CHN2: variants seen among roughly 807,000 people sequenced by gnomAD.
The protein encoded by CHN2 is chimerin 2.
A neutral mutation model predicts 56.3 loss-of-function variants in CHN2; 35 were observed. The ratio of observed to expected loss-of-function variants is 0.62; its 90% CI spans 0.47 to 0.82. The LOEUF is 0.82. Ranked by LOEUF, CHN2 falls within the 40% of genes least tolerant of loss-of-function variation. The pLI, the probability that CHN2 is intolerant of heterozygous loss-of-function variation, is 0.00. For synonymous variants in CHN2, 210 were observed against 212.8 expected, an observed-to-expected ratio of 0.99 and a Z score of 0.12; for missense variants, 491 against 580.5, an observed-to-expected ratio of 0.85 and a Z score of 1.58.
intron 1 of CHN2, among the ~76,000 whole-genome samples, chr7:29,248,428 A>G (rs115151955): frequency 0.011 from 1,627 of 152,090 alleles, 38 homozygotes; most frequent in African/African-American, 0.037. Context: ...CTTCCTCTTA[A>G]CTTCTGCTGT....
intron 1 of CHN2, among the ~76,000 whole-genome samples, chr7:29,278,367 C>T (rs934887890): frequency 3.3e-5 from 5 of 151,876 alleles, no homozygotes; most frequent in Admixed American, 1.3e-4. Flanking sequence ...CTCAACTACT[C>T]GACTCTGCCT....
In CHN2 at chr7:29,222,447, C is replaced by T. The variant is rs143333180; in HGVS notation, c.49+27457C>T. ...GAACAAAGTGGGAGGCATCATGCTA[C>T]CTGACTTCAAACTATACTACAAGGC... On this transcript the variant is annotated intron_variant, in intron 1 of 12. Coordinates refer to ENST00000222792, the MANE Select transcript of CHN2 (RefSeq NM_004067.4). Among the ~76,000 whole-genome samples the T allele has an allele frequency of 6.9e-3, 1,048 of 152,210 alleles. 11 individuals are homozygous for T. Among genetic ancestry groups the T allele is most frequent in the Non-Finnish European group, 7.7e-3 (525 of 68,018 alleles).
intron 2 of CHN2, among the ~76,000 whole-genome samples, chr7:29,176,031 A>G (rs908362772): frequency 1.3e-4 from 20 of 151,930 alleles, no homozygotes; most frequent in African/African-American, 3.9e-4. Flanking sequence ...CTAAAAATAC[A>G]AAAAATTAGC....
intron 1 of CHN2, among the ~76,000 whole-genome samples, chr7:29,315,291 A>G (rs1794881610): frequency 6.6e-6 from 1 of 152,186 alleles, no homozygotes; most frequent in South Asian, 2.1e-4. Flanking sequence ...GCTTATTTTG[A>G]TCTGCTCCAT....
intron 6 of CHN2, among the ~76,000 whole-genome samples, chr7:29,454,874 T>C (rs150736708): frequency 0.016 from 2,482 of 152,332 alleles, 24 homozygotes; most frequent in Non-Finnish European, 0.026. Flanking sequence ...GTTCTGACTT[T>C]TTAAAAAACA....
chr7:29,201,034 A>G (rs906336238), intron 1 of CHN2, among the ~76,000 whole-genome samples: 1 of 152,208 alleles, frequency 6.6e-6, no homozygotes, highest in Non-Finnish European at 1.5e-5. Context: ...TATAGTCTCT[A>G]TAGTTTGGAC....
intron 1 of CHN2, among the ~76,000 whole-genome samples, chr7:29,265,357 C>A (rs1438697971): frequency 2.0e-5 from 3 of 152,206 alleles, no homozygotes; most frequent in Non-Finnish European, 4.4e-5. Context: ...GAACAGGGCA[C>A]AACTTCCACT....
rs113902813 is a variant in CHN2, at chr7:29,495,642, G to A, written c.655-310G>A. On this transcript the variant is annotated intron_variant, in intron 7 of 12. Transcript: ENST00000222792. Reference sequence around the variant, plus strand: ...ATGCAGGTTATAGCGACCAGCTTGGGCTATCTTGGGTTTGTCCACACAGTG... The same window carrying A: ...ATGCAGGTTATAGCGACCAGCTTGGACTATCTTGGGTTTGTCCACACAGTG... Among the ~76,000 whole-genome samples the A allele has an allele frequency of 2.0e-4, 30 of 152,298 alleles. 1 individual carries two copies. The highest frequency in any genetic ancestry group is 7.2e-4 in the African/African-American group (30 of 41,552).
intron 6 of CHN2, among the ~76,000 whole-genome samples, chr7:29,443,667 T>C (rs1322534122): frequency 6.6e-6 from 1 of 152,006 alleles, no homozygotes; most frequent in African/African-American, 2.4e-5. Context: ...CTCTTTTTTG[T>C]GTTATCATCA....
intron 6 of CHN2, among the ~76,000 whole-genome samples, chr7:29,446,968 C>G (rs969887651): frequency 6.6e-6 from 1 of 152,148 alleles, no homozygotes; most frequent in Admixed American, 6.5e-5. Context: ...ATCACAAAAG[C>G]AAGACACAAA....
At chr7:29,408,121 C>T (rs533767169) in intron 6 of CHN2, among the ~76,000 whole-genome samples, 237 of 151,436 alleles carry the variant, frequency 1.6e-3, no homozygotes, top group Middle Eastern at 6.8e-3. Context: ...ACTCAGAAGG[C>T]GGAGGTTGTA....
intron 1 of CHN2, among the ~76,000 whole-genome samples, chr7:29,277,555 G>A (rs1791335791): frequency 6.6e-6 from 1 of 152,238 alleles, no homozygotes; most frequent in South Asian, 2.1e-4. Flanking sequence ...ATTCTGGAAT[G>A]TCAGCTAGGG....
At chr7:29,374,898 T>C (rs1799925744) in intron 3 of CHN2, among the ~76,000 whole-genome samples, 1 of 151,096 alleles carries the variant, frequency 6.6e-6, no homozygotes, top group African/African-American at 2.4e-5. Context: ...TCTTTCTTTT[T>C]TTTTTTTGAC....
Position 29,374,853 on chromosome 7 carries a change from C to CT in CHN2, c.144+6867dup, listed in dbSNP as rs761530227. Among the ~76,000 whole-genome samples the CT allele has an allele frequency of 4.9e-4, 73 of 149,600 alleles. 1 individual carries two copies. The highest frequency in any genetic ancestry group is 3.5e-3 in the Middle Eastern group (1 of 286). ...CCTTCCTTCCTTCCTTCCTTCCTGC[C>CT]TCCCTCCCTCCCTTTCTCCCTTTCT... On this transcript the variant is annotated intron_variant, in intron 3 of 12. Transcript: ENST00000222792.
intron 1 of CHN2, among the ~76,000 whole-genome samples, chr7:29,261,090 A>G (rs1299375369): frequency 6.6e-6 from 1 of 152,176 alleles, no homozygotes. Flanking sequence ...GTCATAATAG[A>G]TATCCTTCAT....
intron 7 of CHN2, among the ~76,000 whole-genome samples, chr7:29,495,410 C>T (rs1474449950): frequency 6.6e-6 from 1 of 152,212 alleles, no homozygotes; most frequent in African/African-American, 2.4e-5. Context: ...GAAAGCAATT[C>T]CACAGGCCTT....
chr7:29,248,537 G>T (rs559351241), intron 1 of CHN2, among the ~76,000 whole-genome samples: 1 of 152,274 alleles, frequency 6.6e-6, no homozygotes, highest in Non-Finnish European at 1.5e-5. Flanking sequence ...CTGCCTTTAG[G>T]CCACTGCCAG....
intron 1 of CHN2, among the ~76,000 whole-genome samples, chr7:29,337,097 T>C (rs1338554992): frequency 3.9e-5 from 6 of 152,166 alleles, no homozygotes. Flanking sequence ...TTGTCATCTT[T>C]GTGTACCCAG....
At chr7:29,164,884 A>G (rs957696915) in intron 2 of CHN2, among the ~76,000 whole-genome samples, 1 of 151,792 alleles carries the variant, frequency 6.6e-6, no homozygotes, top group East Asian at 1.9e-4. Context: ...TAAACTTTCT[A>G]GAGTGTTCCA....
Sources: allele counts gnomAD v4.1 joint callset (sites outside exome capture counted in the v4.1 genomes callset), GRCh38; gene constraint gnomAD v4.1.1; transcripts MANE v1.5; gene names NCBI Gene and HGNC (gene_info 2026-07-23, HGNC 2026-07-21).